Variants in SLC5A4 observed in about 807,000 individuals in gnomAD.
SLC5A4 encodes the protein probable glucose sensor protein SLC5A4.
Under a neutral mutation model 70.3 loss-of-function variants are expected in SLC5A4, and 55 were observed. The observed-to-expected ratio is 0.78, with a 90% CI of 0.63 to 0.98. The LOEUF (loss-of-function observed/expected upper bound fraction) is 0.98. Among genes scored for constraint, SLC5A4 ranks in the 50% least tolerant of loss-of-function variants. The pLI is 0.00. For missense variants in SLC5A4, 735 were observed against 839.2 expected (o/e 0.88, Z 1.53); for synonymous variants, 268 against 305.7 (o/e 0.88, Z 1.29).
At chr22:32,262,243 T>C in the SLC5A4 span, among the ~76,000 whole-genome samples, 1 of 152,210 alleles carries the variant, frequency 6.6e-6, no homozygotes, top group Non-Finnish European at 1.5e-5. Context: ...TTGAGGAGTC[T>C]TCACACTGTT....
the SLC5A4 span, among the ~76,000 whole-genome samples, chr22:32,275,723 G>A: frequency 6.6e-6 from 1 of 152,160 alleles, no homozygotes; most frequent in African/African-American, 2.4e-5. Context: ...AATCCTTTGG[G>A]TATATACCCA....
the SLC5A4 span, among the ~76,000 whole-genome samples, chr22:32,314,923 A>G: frequency 7.9e-5 from 12 of 152,278 alleles, no homozygotes; most frequent in Admixed American, 5.9e-4. Flanking sequence ...CCCATGATTC[A>G]ATTACCTCCC....
chr22:32,231,860 G>A (rs938564854), intron 9 of SLC5A4, among the ~76,000 whole-genome samples: 2 of 151,618 alleles, frequency 1.3e-5, no homozygotes, highest in Non-Finnish European at 2.9e-5. Flanking sequence ...TAATTTCTTT[G>A]GCCATTCCCC....
Position 32,248,776 on chromosome 22 carries a change from C to T in SLC5A4, c.339G>A (p.Gly113=), listed in dbSNP as rs1253376116. The change falls in exon 4 of 15, where the codon GGG becomes GGA. Residue 113 remains glycine (G), a synonymous_variant. Coordinates refer to ENST00000266086, the MANE Select transcript of SLC5A4 (RefSeq NM_014227.3). ...WTSSVMLLIL[G]WIFVPIYIKS... is the part of the protein sequence containing the mutation. Reference sequence around the variant, plus strand: ...TGATGTAGATAGGGACAAAGATCCACCCAAGAATCAGCAACATTACTGAGG... The same window carrying T: ...TGATGTAGATAGGGACAAAGATCCATCCAAGAATCAGCAACATTACTGAGG... 5 of 1,613,202 alleles carry T rather than the reference C, an allele frequency of 3.1e-6. No individual in the cohort carries two copies. The highest frequency in any genetic ancestry group is 2.2e-5 in the South Asian group (2 of 91,064).
the SLC5A4 span, among the ~76,000 whole-genome samples, chr22:32,277,929 TC>T: frequency 6.6e-6 from 1 of 152,144 alleles, no homozygotes; most frequent in Non-Finnish European, 1.5e-5. Context: ...ATTAGGCAAC[TC>T]ATAAAAACTT....
the SLC5A4 span, among the ~76,000 whole-genome samples, chr22:32,331,638 C>A: frequency 6.6e-6 from 1 of 152,134 alleles, no homozygotes; most frequent in South Asian, 2.1e-4. Context: ...CCAGCGGCTT[C>A]TGGCAGACAG....
intron 13 of SLC5A4, 49 bp downstream of exon 13, chr22:32,224,218 C>G: frequency 2.7e-6 from 4 of 1,470,722 alleles, no homozygotes; most frequent in Non-Finnish European, 3.8e-6. Context: ...CTGCGCCCGG[C>G]CAAGAACTCT....
At chr22:32,270,807 C>A in the SLC5A4 span, 26 of 594,602 alleles carry the variant, frequency 4.4e-5, no homozygotes, top group African/African-American at 4.2e-4. Flanking sequence ...TCACCATGTT[C>A]CTGCTGAAAA....
the SLC5A4 span, among the ~76,000 whole-genome samples, chr22:32,293,817 T>A: frequency 6.6e-6 from 1 of 152,270 alleles, no homozygotes; most frequent in Non-Finnish European, 1.5e-5. Flanking sequence ...TTATATATTT[T>A]AAAAATTTTA....
the SLC5A4 span, among the ~76,000 whole-genome samples, chr22:32,312,365 G>GCACACACACACA: frequency 5.4e-4 from 55 of 102,114 alleles, no homozygotes; most frequent in Admixed American, 3.8e-3. Context: ...ACGCGCGCGC[G>GCACACACACACA]CACACACACA....
At chr22:32,311,913 G>A in the SLC5A4 span, among the ~76,000 whole-genome samples, 1 of 152,112 alleles carries the variant, frequency 6.6e-6, no homozygotes, top group Non-Finnish European at 1.5e-5. Context: ...CTGGACTTTG[G>A]GTTCCTGCAC....
At chr22:32,322,913 C>T in the SLC5A4 span, among the ~76,000 whole-genome samples, 10 of 152,326 alleles carry the variant, frequency 6.6e-5, no homozygotes, top group African/African-American at 2.2e-4. Context: ...CTTAGGAGGG[C>T]TTGCAACCAA....
At chr22:32,299,966 C>T in the SLC5A4 span, among the ~76,000 whole-genome samples, 4 of 128,898 alleles carry the variant, frequency 3.1e-5, no homozygotes, top group East Asian at 2.2e-4. Context: ...TTAGGCTGCT[C>T]GGGGGTCAGG....
intron 5 of SLC5A4, among the ~76,000 whole-genome samples, chr22:32,244,523 C>T (rs1362990187): frequency 6.6e-6 from 1 of 152,128 alleles, no homozygotes; most frequent in East Asian, 1.9e-4. Context: ...AAGTAGTTGA[C>T]ATATTATCAA....
At chr22:32,266,012 T>G in the SLC5A4 span, among the ~76,000 whole-genome samples, 1 of 152,174 alleles carries the variant, frequency 6.6e-6, no homozygotes, top group Non-Finnish European at 1.5e-5. Context: ...GGATTTGCCT[T>G]GGGGCAAAAG....
chr22:32,241,049 C>T (rs1230421228), intron 5 of SLC5A4, among the ~76,000 whole-genome samples: 1 of 152,118 alleles, frequency 6.6e-6, no homozygotes, highest in Non-Finnish European at 1.5e-5. Flanking sequence ...TCCGTGAGGC[C>T]CAAAAGGCAA....
the SLC5A4 span, among the ~76,000 whole-genome samples, chr22:32,289,941 T>A: frequency 6.6e-6 from 1 of 152,230 alleles, no homozygotes; most frequent in Non-Finnish European, 1.5e-5. Flanking sequence ...TTTATGCTCT[T>A]TAATATTCAT....
the SLC5A4 span, among the ~76,000 whole-genome samples, chr22:32,321,772 T>G: frequency 2.6e-5 from 4 of 152,332 alleles, no homozygotes; most frequent in East Asian, 7.7e-4. Context: ...TCCAGCTCCA[T>G]GCATGTCCCT....
chr22:32,221,375 T>G (rs17759199), intron 13 of SLC5A4, among the ~76,000 whole-genome samples: 3,124 of 152,328 alleles, frequency 0.021, 45 homozygotes, highest in African/African-American at 0.039. Flanking sequence ...AGCCACATCA[T>G]GATTTCCTTC....
Sources: gnomAD v4.1 joint callset for allele counts (sites outside exome capture counted in the v4.1 genomes callset) on GRCh38, gnomAD v4.1.1 for gene constraint, MANE v1.5 for transcripts, NCBI Gene and HGNC (gene_info 2026-07-23, HGNC 2026-07-21) for gene names.